The following FKBP1B variants were observed in gnomAD, a reference collection of about 807,000 sequenced individuals.
The protein encoded by FKBP1B is peptidyl-prolyl cis-trans isomerase FKBP1B.
A neutral mutation model predicts 13.5 loss-of-function variants in FKBP1B; 4 were observed. That is an observed-to-expected ratio of 0.30 (90% confidence interval 0.15 to 0.68). The LOEUF is 0.68. Ranked by LOEUF, FKBP1B falls within the 30% of genes least tolerant of loss-of-function variation. FKBP1B has a pLI of 0.76. For missense variants in FKBP1B, 93 were observed against 136.2 expected (o/e 0.68, Z 1.58); for synonymous variants, 54 against 53.6 (o/e 1.01, Z -0.03).
At chr2:24,040,956 C>T in the FKBP1B span, among the ~76,000 whole-genome samples, 1 of 152,052 alleles carries the variant, frequency 6.6e-6, no homozygotes, top group Non-Finnish European at 1.5e-5. Flanking sequence ...GCAGAGGCTA[C>T]AGTGAGCTGA....
chr2:24,040,834 T>C, the FKBP1B span, among the ~76,000 whole-genome samples: 1 of 151,904 alleles, frequency 6.6e-6, no homozygotes, highest in East Asian at 1.9e-4. Flanking sequence ...CTGACCAACA[T>C]GCAGAAACCC....
intron 2 of FKBP1B, among the ~76,000 whole-genome samples, chr2:24,057,373 G>T (rs12105681): frequency 0.49 from 73,003 of 149,992 alleles, 18,594 homozygotes; most frequent in African/African-American, 0.64. Flanking sequence ...TTTTTTTTTG[G>T]TTTTTTTTTG....
upstream of FKBP1B, among the ~76,000 whole-genome samples, chr2:24,046,853 C>A (rs772992226): frequency 1.3e-5 from 2 of 152,168 alleles, no homozygotes; most frequent in Non-Finnish European, 2.9e-5. Context: ...AACTTTGTAT[C>A]ACGGTTTTCA....
intron 2 of FKBP1B, among the ~76,000 whole-genome samples, chr2:24,057,000 T>G (rs533555509): frequency 6.6e-6 from 1 of 152,208 alleles, no homozygotes; most frequent in Non-Finnish European, 1.5e-5. Flanking sequence ...CGGTTGTCTT[T>G]TTCTTGTTGA....
intron 3 of FKBP1B, among the ~76,000 whole-genome samples, chr2:24,062,806 A>G (rs1664455670): frequency 6.6e-6 from 1 of 152,240 alleles, no homozygotes; most frequent in African/African-American, 2.4e-5. Context: ...TTGAATAACC[A>G]GTAATGTTTG....
At chr2:24,047,006 TATAA>T (rs889980824), upstream of FKBP1B, among the ~76,000 whole-genome samples, 9 of 152,270 alleles carry the variant, frequency 5.9e-5, no homozygotes, top group African/African-American at 2.2e-4. Context: ...CGCTACCCGC[TATAA>T]ATAAAGCTCG....
chr2:24,059,200 C>G (rs1332945980), intron 2 of FKBP1B, among the ~76,000 whole-genome samples: 1 of 150,602 alleles, frequency 6.6e-6, no homozygotes, highest in East Asian at 1.9e-4. Context: ...CTGCCGGGAG[C>G]AGTCGTGGAA....
chr2:24,063,476 TG>T lies in FKBP1B; in HGVS notation c.*285del. On this transcript the variant is annotated 3_prime_UTR_variant, in exon 4 of 4. Transcript: ENST00000380986. ...TCCTGATGACAGAACACAGATCTCT[TG>T]TTCGCACAATCTACACTGCCTTACC... The T allele has an allele frequency of 8.6e-6, 3 of 350,514 alleles. No homozygotes were observed. The highest frequency in any genetic ancestry group is 5.1e-6 in the Non-Finnish European group (1 of 194,692). The allele number at this position is 350,514 out of a possible 1,614,324, so 21.7% of individuals were successfully genotyped here.
chr2:24,038,888 C>G, the FKBP1B span: 1 of 1,614,220 alleles, frequency 6.2e-7, no homozygotes, highest in African/African-American at 1.3e-5. Flanking sequence ...ACGTGGCTGT[C>G]CACATCAAAC....
chr2:24,037,854 GTTCT>G, the FKBP1B span: 3 of 1,614,164 alleles, frequency 1.9e-6, no homozygotes, highest in Non-Finnish European at 2.5e-6. Flanking sequence ...CACTTTGTAA[GTTCT>G]TTCTTTGAGG....
At chr2:24,047,381 T>C (rs563451393), upstream of FKBP1B, 1 of 152,012 alleles carries the variant, frequency 6.6e-6, no homozygotes, top group East Asian at 1.9e-4. Context: ...CCGCCGCACA[T>C]AAGAAGTTCT....
chr2:24,037,981 C>T, the FKBP1B span: 1 of 1,614,230 alleles, frequency 6.2e-7, no homozygotes. Context: ...ATCACAGATA[C>T]TAGACAGAGG....
Position 24,063,291 on chromosome 2 carries a change from G to GCTTT in FKBP1B, c.*99_*100insCTTT. 8.3e-7 allele frequency: 1 copy of GCTTT among 1,203,608 alleles called. No homozygotes were observed. The highest frequency in any genetic ancestry group is 1.1e-6 in the Non-Finnish European group (1 of 880,060). The allele number at this position is 1,203,608 out of a possible 1,614,324, so 74.6% of individuals were successfully genotyped here. On this transcript the variant is annotated 3_prime_UTR_variant, in exon 4 of 4. Coordinates refer to ENST00000380986, the MANE Select transcript of FKBP1B (RefSeq NM_004116.5). ...CTCCTGCTTTTGGGGCTCTTGATCA[G>GCTTT]TGTGCTAACCTCACTGCCTCATGGC...
chr2:24,048,169 T>TTTTC (rs561032966), upstream of FKBP1B, among the ~76,000 whole-genome samples: 1 of 152,072 alleles, frequency 6.6e-6, no homozygotes, highest in Non-Finnish European at 1.5e-5. Flanking sequence ...ATGTTTTTCT[T>TTTTC]TTTCTTTTCT....
intron 1 of FKBP1B, 102 bp from the exon 2 acceptor site, chr2:24,053,800 G>A: frequency 9.0e-7 from 1 of 1,112,938 alleles, no homozygotes; most frequent in Non-Finnish European, 1.4e-6. Flanking sequence ...TCCATGGCAT[G>A]GAGGGGAATG....
intron 1 of FKBP1B, 105 bp downstream of exon 1, chr2:24,049,991 G>T: frequency 1.2e-6 from 1 of 867,900 alleles, no homozygotes; most frequent in Non-Finnish European, 1.6e-6. Flanking sequence ...GAAGGGTCGG[G>T]GGGCTGGATG....
At chr2:24,051,826 G>C (rs896845224) in intron 1 of FKBP1B, among the ~76,000 whole-genome samples, 2 of 152,030 alleles carry the variant, frequency 1.3e-5, no homozygotes, top group Admixed American at 1.3e-4. Flanking sequence ...TCTAAATATC[G>C]GCTCTGTGGT....
At chr2:24,049,968 C>T in intron 1 of FKBP1B, 82 bp downstream of exon 1, 2 of 1,171,570 alleles carry the variant, frequency 1.7e-6, no homozygotes, top group South Asian at 2.1e-5. Flanking sequence ...TCGGAGGTGG[C>T]GTGGAGGGTG....
intron 3 of FKBP1B, among the ~76,000 whole-genome samples, chr2:24,062,019 G>C (rs1311628179): frequency 6.7e-6 from 1 of 148,910 alleles, no homozygotes. Flanking sequence ...ACAGGCGCCC[G>C]CCACCACGGC....
Sources: gnomAD v4.1 joint callset for allele counts (sites outside exome capture counted in the v4.1 genomes callset) on GRCh38, gnomAD v4.1.1 for gene constraint, MANE v1.5 for transcripts, NCBI Gene and HGNC (gene_info 2026-07-23, HGNC 2026-07-21) for gene names.